ABCB6: variants seen among roughly 807,000 people sequenced by gnomAD.
ABCB6 encodes the protein ATP-binding cassette sub-family B member 6.
ABCB6 carries 87 observed loss-of-function variants against 99.4 expected under a neutral mutation model. The ratio of observed to expected loss-of-function variants is 0.88; its 90% CI spans 0.74 to 1.05. ABCB6 has a LOEUF of 1.05. Ranked by LOEUF, ABCB6 falls within the 50% of genes least tolerant of loss-of-function variation. The pLI is 0.00. For synonymous variants in ABCB6, 482 were observed against 447.5 expected, an observed-to-expected ratio of 1.08 and a Z score of -0.97; for missense variants, 1,050 against 1,097.9, an observed-to-expected ratio of 0.96 and a Z score of 0.62.
Position 219,216,702 on chromosome 2 carries a change from C to T in ABCB6, c.818G>A (p.Gly273Asp), listed in dbSNP as rs1225134091. The part of the protein sequence containing the change: ...LVVLICLGLM[G>D]LERALNVLVP... ...CAACACATTGAGTGCCCGTTCCAAA[C>T]CCATGAGCCCCAGGCAGATGAGCAC... Residue 273 changes from glycine to aspartate, a missense_variant, in exon 3 of 19, where the codon GGT (glycine) becomes GAT (aspartate). By Grantham distance (94) the Gly-to-Asp change is moderately conservative. Transcript: ENST00000265316. The surrounding 1 kb of genome is among the most constrained non-coding windows in gnomAD (Gnocchi z 4.2). 4 of 1,593,496 alleles carry T rather than the reference C, an allele frequency of 2.5e-6. No individual in the cohort carries two copies. The highest frequency in any genetic ancestry group is 1.3e-5 in the African/African-American group (1 of 74,286).
rs1335429025 is a variant in ABCB6 at position 219,216,129 on chromosome 2, G to A, written c.1022C>T (p.Thr341Met). The A allele has an allele frequency of 3.7e-6, 6 of 1,602,166 alleles. No homozygotes were observed. The highest frequency in any genetic ancestry group is 1.3e-5 in the African/African-American group (1 of 74,726). The change falls in exon 5 of 19, where the codon ACG (threonine) becomes ATG (methionine). Residue 341 changes from threonine (T) to methionine (M), a missense_variant. Thr to Met is a moderately conservative substitution (Grantham distance 81). Coordinates refer to ENST00000265316, the MANE Select transcript of ABCB6 (RefSeq NM_005689.4). The surrounding 1 kb of genome is among the most constrained non-coding windows in gnomAD (Gnocchi z 4.2). ...GATGAGCAGCTCCACCCGCCGAGAC[G>A]TGAACTGCTGCACCCGGATCCACAG... Reference protein sequence around the residue: ...TFLWIRVQQFTSRRVELLIFS... With the variant: ...TFLWIRVQQFMSRRVELLIFS...
intron 1 of ABCB6, 120 bp from the exon 2 acceptor site, chr2:219,217,927 A>G: frequency 6.9e-7 from 1 of 1,442,774 alleles, no homozygotes; most frequent in Non-Finnish European, 9.2e-7. Context: ...GCTTAAAAAA[A>G]AAAAAAAAAG....
intron 11 of ABCB6, 42 bp downstream of exon 11, chr2:219,213,397 A>C (rs1950601427): frequency 1.2e-6 from 2 of 1,613,884 alleles, no homozygotes; most frequent in Non-Finnish European, 1.7e-6. Context: ...AACACCACAC[A>C]GCTCCTCCCT....
chr2:219,210,594 A>G (rs769167671), intron 16 of ABCB6, 117 bp downstream of exon 16: 16 of 1,591,052 alleles, frequency 1.0e-5, no homozygotes, highest in Admixed American at 1.7e-5. Context: ...TGAGAACTGG[A>G]AAGTGTGTTT....
chr2:219,211,297 T>C (rs1950576314), intron 14 of ABCB6, among the ~76,000 whole-genome samples, 189 bp from the exon 15 acceptor site: 1 of 152,174 alleles, frequency 6.6e-6, no homozygotes, highest in East Asian at 1.9e-4. Flanking sequence ...CTTCACCAGA[T>C]TGCTGCAGAT....
chr2:219,216,474 G>A lies in ABCB6; in HGVS notation c.869-9C>T, dbSNP rs751659540. The A allele has an allele frequency of 7.4e-6, 12 of 1,613,396 alleles. No homozygotes were observed. The South Asian group carries it at 1.3e-4, about 18-fold the overall frequency. On this transcript the variant is annotated splice_polypyrimidine_tract_variant and intron_variant, in intron 3 of 18. Coordinates refer to ENST00000265316, the MANE Select transcript of ABCB6 (RefSeq NM_005689.4). This position sits in a 1 kb window ranked among gnomAD's most constrained non-coding sequence, Gnocchi z 4.2. ...CTCAGTCAGCAAGTTCACTGTGGAG[G>A]AAACGAGTCAGAACCCACTTATGGC...
rs1950561329 is a variant in ABCB6 at position 219,210,395 on chromosome 2, G to A, written c.2337C>T (p.Ile779=). 8 of 1,614,068 alleles carry A rather than the reference G, an allele frequency of 5.0e-6. No individual in the cohort carries two copies. Among genetic ancestry groups the A allele is most frequent in the Admixed American group, 3.3e-5 (2 of 60,006 alleles). The change falls in exon 17 of 19, where the codon ATC becomes ATT. Residue 779 remains isoleucine, a synonymous_variant. Transcript: ENST00000265316. ...TAGTCCTGTACCTGTGTGCCACTAC[G>A]ATGGTGGTGCGGTTGGCACAGACTT... is the stretch of plus-strand genomic sequence containing the variant. ...LAKVCANRTT[I]VVAHRLSTVV... is the part of the protein sequence containing the mutation.
In ABCB6 at chr2:219,218,320, G is replaced by C; in HGVS notation, c.354C>G (p.Gly118=). The change falls in exon 1 of 19, where the codon GGC becomes GGG. Residue 118 remains glycine, a synonymous_variant. Coordinates refer to ENST00000265316, the MANE Select transcript of ABCB6 (RefSeq NM_005689.4). The part of the protein sequence containing the change: ...LLASVLESLA[G]ACGLWLLVVE... ...CGACAAGCAGCCACAGGCCACAGGCGCCGGCCAGACTCTCCAGCACGGAGG... is the reference window on the plus strand; with the variant it reads ...CGACAAGCAGCCACAGGCCACAGGCCCCGGCCAGACTCTCCAGCACGGAGG... 2 of 1,613,260 alleles carry C rather than the reference G, an allele frequency of 1.2e-6. No homozygotes were observed. The highest frequency in any genetic ancestry group is 1.7e-6 in the Non-Finnish European group (2 of 1,180,040).
Position 219,213,624 on chromosome 2 carries a change from A to G in ABCB6, c.1621T>C (p.Tyr541His), listed in dbSNP as rs754649946. The change falls in exon 10 of 19, where the codon TAC becomes CAC. Residue 541 changes from tyrosine (Y) to histidine (H), a missense_variant. Tyr to His is a moderately conservative substitution (Grantham distance 83, BLOSUM62 2). Transcript: ENST00000265316. ...VLFGTYIIQL[Y>H]MPLNWFGTYY... ...GTGCCAAACCAATTGAGGGGCATGT[A>G]CAGCTGGATAATGTAGGTGCCAAAG... The G allele has an allele frequency of 6.2e-7, 1 of 1,614,166 alleles. No individual in the cohort carries two copies. Among genetic ancestry groups the G allele is most frequent in the Non-Finnish European group, 8.5e-7 (1 of 1,180,014 alleles).
rs1458320839 is a variant in ABCB6, at chr2:219,218,640, C to T, written c.34G>A (p.Gly12Arg). The T allele has an allele frequency of 1.3e-6, 2 of 1,597,476 alleles. No individual in the cohort carries two copies. Among genetic ancestry groups the T allele is most frequent in the South Asian group, 2.2e-5 (2 of 89,132 alleles). ...TGCATCCAGGCCGGACCCACGGGCC[C>T]TTCGGCCTCGCAGTAGTTGCCCACA... is the stretch of plus-strand genomic sequence containing the variant. ...VTVGNYCEAE[G>R]PVGPAWMQDG... Residue 12 changes from glycine to arginine, a missense_variant, in exon 1 of 19, where the codon GGG becomes AGG. Gly to Arg is a moderately radical substitution (Grantham distance 125, BLOSUM62 -2). Coordinates refer to ENST00000265316, the MANE Select transcript of ABCB6 (RefSeq NM_005689.4).
In ABCB6 at chr2:219,210,465, G is replaced by A. The variant is rs1251196290; in HGVS notation, c.2267C>T (p.Ala756Val). Reference sequence around the variant, plus strand: ...GGCCCTCTCATTAGATGTATCCAGCGCTGACGTTGCCTATAGAGAGGGTCC... The same window carrying A: ...GGCCCTCTCATTAGATGTATCCAGCACTGACGTTGCCTATAGAGAGGGTCC... Reference protein sequence around the residue: ...GIILLDEATSALDTSNERAIQ... With the variant: ...GIILLDEATSVLDTSNERAIQ... The change falls in exon 17 of 19, where the codon GCG becomes GTG. Residue 756 changes from alanine (A) to valine (V), a missense_variant. Physicochemically the swap from Ala to Val is moderately conservative, Grantham distance 64 (BLOSUM62 0). Coordinates refer to ENST00000265316, the MANE Select transcript of ABCB6 (RefSeq NM_005689.4). The A allele has an allele frequency of 4.3e-6, 7 of 1,614,128 alleles. No homozygotes were observed. The highest frequency in any genetic ancestry group is 5.9e-6 in the Non-Finnish European group (7 of 1,180,018).
chr2:219,211,205 G>A, intron 14 of ABCB6, 97 bp from the exon 15 acceptor site: 1 of 1,346,008 alleles, frequency 7.4e-7, no homozygotes, highest in South Asian at 1.2e-5. Flanking sequence ...AAGAGGCTGT[G>A]GTAATAATCC....
Position 219,218,484 on chromosome 2 carries a change from A to T in ABCB6, c.190T>A (p.Trp64Arg). The T allele has an allele frequency of 6.2e-7, 1 of 1,608,506 alleles. No homozygotes were observed. ...GGAGAGATGCGAGGGCCGGCCCCCCAAGACAGCGAATCAGCACCAGCGGGC... is the reference window on the plus strand; with the variant it reads ...GGAGAGATGCGAGGGCCGGCCCCCCTAGACAGCGAATCAGCACCAGCGGGC... ...ERPAGADSLS[W>R]GAGPRISPYV... Residue 64 changes from tryptophan (W) to arginine (R), a missense_variant, in exon 1 of 19, where the codon TGG becomes AGG. Transcript: ENST00000265316.
At chr2:219,214,864 A>G in intron 6 of ABCB6, 97 bp downstream of exon 6, 1 of 1,455,036 alleles carries the variant, frequency 6.9e-7, no homozygotes, top group Non-Finnish European at 9.4e-7. Flanking sequence ...ACCAATCCAC[A>G]GCCTCCCATA....
At chr2:219,214,585 A>G in intron 6 of ABCB6, 87 bp from the exon 7 acceptor site, 1 of 986,258 alleles carries the variant, frequency 1.0e-6, no homozygotes, top group Non-Finnish European at 1.6e-6. Flanking sequence ...TGCCATGTAC[A>G]CACTAAGCCT....
chr2:219,210,033 A>G lies in ABCB6; in HGVS notation c.2434T>C (p.Leu812=), dbSNP rs139308368. The part of the protein sequence containing the change: ...IVERGRHEAL[L]SRGGVYADMW... ...TCAGCATACACCCCACCTCGGGACA[A>G]CAGAGCCTCGTGTCTGGGGTGAGGA... is the stretch of plus-strand genomic sequence containing the variant. Residue 812 remains leucine (L), a synonymous_variant, in exon 19 of 19, where the codon TTG becomes CTG. Transcript: ENST00000265316. 1 of 1,614,054 alleles carries G rather than the reference A, an allele frequency of 6.2e-7. No individual in the cohort carries two copies. The highest frequency in any genetic ancestry group is 8.5e-7 in the Non-Finnish European group (1 of 1,180,010).
intron 6 of ABCB6, 145 bp downstream of exon 6, chr2:219,214,816 C>T: frequency 1.1e-6 from 1 of 909,242 alleles, no homozygotes. Context: ...AAGAGACCCG[C>T]CCATCACATG....
At chr2:219,217,576 G>A (rs1424683634) in intron 2 of ABCB6, 94 bp downstream of exon 2, 5 of 1,030,178 alleles carry the variant, frequency 4.9e-6, no homozygotes, top group Non-Finnish European at 7.1e-6. Flanking sequence ...CCCGGGAGGT[G>A]GAGGTTGCAG....
chr2:219,214,565 G>T, intron 6 of ABCB6, 67 bp from the exon 7 acceptor site: 1 of 1,163,654 alleles, frequency 8.6e-7, no homozygotes, highest in Non-Finnish European at 1.3e-6. Flanking sequence ...AAATGTCAAT[G>T]TCCACTACCT....
Sources: allele counts gnomAD v4.1 joint callset (sites outside exome capture counted in the v4.1 genomes callset), GRCh38; gene constraint gnomAD v4.1.1; non-coding constraint Gnocchi (gnomAD v3.1); transcripts MANE v1.5; gene names NCBI Gene and HGNC (gene_info 2026-07-23, HGNC 2026-07-21).